Variants in CNOT9 observed in about 807,000 individuals in gnomAD.
The protein encoded by CNOT9 is RCD1 required for cell differentiation1 homolog.
In CNOT9, 8 loss-of-function variants were observed where a neutral mutation model predicts 37.4. The ratio of observed to expected loss-of-function variants is 0.21; its 90% CI spans 0.13 to 0.39. CNOT9 has a LOEUF of 0.39. CNOT9 is among the 10% of genes least tolerant of loss of function. The pLI, the probability that CNOT9 is intolerant of heterozygous loss-of-function variation, is 1.00. For synonymous variants in CNOT9, 120 were observed against 137.6 expected, an observed-to-expected ratio of 0.87 and a Z score of 0.90; for missense variants, 154 against 365.3, an observed-to-expected ratio of 0.42 and a Z score of 4.71.
At position 218,585,413 on chromosome 2, in the gene CNOT9, TA is replaced by T. The variant is rs140693315; in HGVS notation, c.430+694del. 8.9e-3 allele frequency among the ~76,000 whole-genome samples: 1,343 copies of T among 151,726 alleles called. 18 individuals are homozygous for T. Among genetic ancestry groups the T allele is most frequent in the African/African-American group, 0.031 (1,282 of 41,404 alleles). ...TTTTTTTTAGTCTCTACTAAAAAAA[TA>T]ATGCAAAAATCAGCCGGGCGTGGTG... is the stretch of plus-strand genomic sequence containing the variant. On this transcript the variant is annotated intron_variant, in intron 4 of 7. Transcript: ENST00000273064.
intron 1 of CNOT9, among the ~76,000 whole-genome samples, chr2:218,579,866 T>A (rs1389859527): frequency 1.3e-5 from 2 of 151,874 alleles, no homozygotes; most frequent in Non-Finnish European, 2.9e-5. Flanking sequence ...TCGCCCAAGC[T>A]GGAGTGCAAT....
Position 218,593,720 on chromosome 2 carries a change from T to C in CNOT9, c.732-388T>C, listed in dbSNP as rs1249040766. The C allele has an allele frequency of 4.1e-6, 5 of 1,233,192 alleles. No homozygotes were observed. In the African/African-American group the frequency reaches 7.6e-5, roughly 19 times the overall value. 76.4% of individuals were successfully genotyped at this position (1,233,192 alleles called of 1,614,324 possible). Reference sequence around the variant, plus strand: ...AGTATAGAATTAAAATTCATTAAGTTATCATAAGTTTGATGATATCCTTGT... The same window carrying C: ...AGTATAGAATTAAAATTCATTAAGTCATCATAAGTTTGATGATATCCTTGT... On this transcript the variant is annotated intron_variant, in intron 7 of 7. Transcript: ENST00000273064.
chr2:218,583,171 G>T, intron 3 of CNOT9, 85 bp downstream of exon 3: 2 of 769,878 alleles, frequency 2.6e-6, no homozygotes, highest in East Asian at 5.8e-5. Context: ...GGAAGGGCAT[G>T]GAGGAGAGAG....
At chr2:218,580,949 T>C (rs919256850) in intron 2 of CNOT9, 1 of 653,770 alleles carries the variant, frequency 1.5e-6, no homozygotes, top group African/African-American at 1.8e-5. Context: ...CAGTCTGAGG[T>C]GGGCCCTATA....
chr2:218,587,729 T>C, intron 5 of CNOT9, 34 bp downstream of exon 5: 1 of 1,259,966 alleles, frequency 7.9e-7, no homozygotes, highest in Non-Finnish European at 1.1e-6. Flanking sequence ...TACATTGTGT[T>C]GACTCTTAAG....
chr2:218,593,914 T>C, intron 7 of CNOT9, 194 bp from the exon 8 acceptor site: 1 of 995,944 alleles, frequency 1.0e-6, no homozygotes, highest in Non-Finnish European at 1.4e-6. Context: ...ATTCAGAAAA[T>C]ATTTGTGGAT....
intron 1 of CNOT9, among the ~76,000 whole-genome samples, chr2:218,579,050 A>G (rs1694276462): frequency 6.6e-6 from 1 of 152,196 alleles, no homozygotes; most frequent in Admixed American, 6.5e-5. Flanking sequence ...TTTTCTGCTC[A>G]GTTGAGGGGG....
At chr2:218,569,055 G>A in intron 1 of CNOT9, 77 bp downstream of exon 1, 1 of 1,516,368 alleles carries the variant, frequency 6.6e-7, no homozygotes, top group Non-Finnish European at 9.1e-7. Context: ...CCTAATTCCC[G>A]GTGTCGGGTC....
In CNOT9 at chr2:218,578,891, A is replaced by G. The variant is rs534296391; in HGVS notation, c.25-1670A>G. Among the ~76,000 whole-genome samples, 7 of 152,218 alleles carry G rather than the reference A, an allele frequency of 4.6e-5. No homozygotes were observed. In the East Asian group the frequency reaches 1.3e-3, roughly 29 times the overall value. On this transcript the variant is annotated intron_variant, in intron 1 of 7. Coordinates refer to ENST00000273064, the MANE Select transcript of CNOT9 (RefSeq NM_005444.3). The stretch of plus-strand genomic sequence containing the variant: ...TTATAAAATATTCAAATTTGGGGGG[A>G]ATATTGTGATTCTTTAGCATAATAA...
intron 4 of CNOT9, among the ~76,000 whole-genome samples, chr2:218,586,813 G>C (rs1694611381): frequency 6.6e-6 from 1 of 152,072 alleles, no homozygotes; most frequent in African/African-American, 2.4e-5. Context: ...TCAGCTGCTA[G>C]AACTATGAGA....
intron 1 of CNOT9, among the ~76,000 whole-genome samples, chr2:218,579,496 T>A (rs1694291170): frequency 6.6e-6 from 1 of 152,194 alleles, no homozygotes; most frequent in South Asian, 2.1e-4. Flanking sequence ...TTTCTGCATT[T>A]TTGTTTTTGA....
rs1178457133 is a variant in CNOT9 at position 218,593,724 on chromosome 2, A to G, written c.732-384A>G. 9.7e-6 allele frequency: 12 copies of G among 1,231,114 alleles called. No individual in the cohort carries two copies. The East Asian group carries it at 1.6e-4, about 17-fold the overall frequency. The allele number at this position is 1,231,114 out of a possible 1,614,324, so 76.3% of individuals were successfully genotyped here. Reference sequence around the variant, plus strand: ...TAGAATTAAAATTCATTAAGTTATCATAAGTTTGATGATATCCTTGTTAAT... The same window carrying G: ...TAGAATTAAAATTCATTAAGTTATCGTAAGTTTGATGATATCCTTGTTAAT... On this transcript the variant is annotated intron_variant, in intron 7 of 7. Coordinates refer to ENST00000273064, the MANE Select transcript of CNOT9 (RefSeq NM_005444.3).
chr2:218,586,004 T>G (rs1393117613), intron 4 of CNOT9, among the ~76,000 whole-genome samples: 1 of 152,166 alleles, frequency 6.6e-6, no homozygotes, highest in Non-Finnish European at 1.5e-5. Context: ...TATAAATCTT[T>G]AAAAATATAT....
intron 7 of CNOT9, chr2:218,593,842 A>G (rs139982727): frequency 8.2e-7 from 1 of 1,215,628 alleles, no homozygotes; most frequent in African/African-American, 1.5e-5. Flanking sequence ...AGCTGTTTGA[A>G]TGGAAGTAAA....
At chr2:218,572,624 C>G (rs780879761) in intron 1 of CNOT9, 10 of 926,422 alleles carry the variant, frequency 1.1e-5, no homozygotes, top group Non-Finnish European at 1.3e-5. Context: ...TAGTGAGACC[C>G]TGTCTCAAAG....
chr2:218,575,442 G>C (rs1323428408), intron 1 of CNOT9, among the ~76,000 whole-genome samples: 1 of 143,292 alleles, frequency 7.0e-6, no homozygotes, highest in East Asian at 2.1e-4. Flanking sequence ...CTGGAGTACA[G>C]TGGCTCAGGC....
At chr2:218,587,722 A>G (rs370884017) in intron 5 of CNOT9, 27 bp downstream of exon 5, 3 of 1,359,230 alleles carry the variant, frequency 2.2e-6, no homozygotes, top group Non-Finnish European at 3.1e-6. Context: ...TAGATTTTAC[A>G]TTGTGTTGAC....
chr2:218,570,216 T>C lies in CNOT9; in HGVS notation c.24+1238T>C, dbSNP rs577577049. On this transcript the variant is annotated intron_variant, in intron 1 of 7. Coordinates refer to ENST00000273064, the MANE Select transcript of CNOT9 (RefSeq NM_005444.3). The stretch of plus-strand genomic sequence containing the variant: ...TGAGCATACCTGCCTGAAGACCAAT[T>C]CTGCTTTTTCTGTTTAACCAAAGGG... Among the ~76,000 whole-genome samples, 3 of 152,304 alleles carry C rather than the reference T, an allele frequency of 2.0e-5. No individual in the cohort carries two copies. The South Asian group carries it at 6.2e-4, about 32-fold the overall frequency.
intron 2 of CNOT9, 75 bp from the exon 3 acceptor site, chr2:218,582,896 T>G: frequency 1.2e-6 from 1 of 814,992 alleles, no homozygotes; most frequent in Non-Finnish European, 2.0e-6. Context: ...TGCCTTTTTT[T>G]TTTTTTGCTT....
Sources: allele counts gnomAD v4.1 joint callset (sites outside exome capture counted in the v4.1 genomes callset), GRCh38; gene constraint gnomAD v4.1.1; transcripts MANE v1.5; gene names NCBI Gene and HGNC (gene_info 2026-07-23, HGNC 2026-07-21).